The following LAPTM5 variants were observed in gnomAD, a reference collection of about 807,000 sequenced individuals.
LAPTM5 encodes the protein lysosomal protein transmembrane 5, also known as lysosomal-associated transmembrane protein 5.
In LAPTM5, 11 loss-of-function variants were observed where a neutral mutation model predicts 30.1. That is an observed-to-expected ratio of 0.37 (90% CI 0.23 to 0.60). The LOEUF (loss-of-function observed/expected upper bound fraction) is 0.60, where lower values mean the gene tolerates loss of function less well. LAPTM5 is among the 20% of genes least tolerant of loss of function. The pLI, the probability that LAPTM5 is intolerant of heterozygous loss-of-function variation, is 0.71. For missense variants in LAPTM5, 324 were observed against 332.5 expected (o/e 0.97, Z 0.20); for synonymous variants, 151 against 137.9 (o/e 1.10, Z -0.67).
At chr1:30,748,149 T>C (rs1274437641) in intron 1 of LAPTM5, among the ~76,000 whole-genome samples, 1 of 151,808 alleles carries the variant, frequency 6.6e-6, no homozygotes, top group Non-Finnish European at 1.5e-5. Context: ...GAGGTAAAGG[T>C]TATAGAGAAA....
chr1:30,748,666 G>C (rs1435763290), intron 1 of LAPTM5, among the ~76,000 whole-genome samples: 10 of 152,182 alleles, frequency 6.6e-5, no homozygotes, highest in Admixed American at 6.5e-4. Context: ...GATACCACCA[G>C]ACGCCCCCAT....
Position 30,742,440 on chromosome 1 carries a change from C to T in LAPTM5, c.181+16G>A, listed in dbSNP as rs141331793. 256 of 1,598,194 alleles carry T rather than the reference C, an allele frequency of 1.6e-4. 1 individual carries two copies. The African/African-American group carries it at 2.8e-3, about 18-fold the overall frequency. ...CCTCCTCCCCCCGCCACTCCACCGG[C>T]GTCCCCTGGACCTACCGATCCTGAG... On this transcript the variant is annotated intron_variant, in intron 2 of 7. Coordinates refer to ENST00000294507, the MANE Select transcript of LAPTM5 (RefSeq NM_006762.3).
chr1:30,735,088 C>G, intron 7 of LAPTM5, 85 bp downstream of exon 7: 2 of 892,060 alleles, frequency 2.2e-6, no homozygotes, highest in Non-Finnish European at 3.7e-6. Context: ...ATAGAGAAAC[C>G]AAGGTCCAGA....
chr1:30,753,976 T>C (rs1409068524), intron 1 of LAPTM5, among the ~76,000 whole-genome samples: 1 of 152,214 alleles, frequency 6.6e-6, no homozygotes, highest in Non-Finnish European at 1.5e-5. Context: ...GAGCTTTCAC[T>C]ATCCTAGAAC....
intron 1 of LAPTM5, among the ~76,000 whole-genome samples, chr1:30,745,634 C>G (rs1419464175): frequency 6.6e-6 from 1 of 152,240 alleles, no homozygotes; most frequent in African/African-American, 2.4e-5. Context: ...AGCCCACAGT[C>G]ACAGAGCGAG....
chr1:30,746,962 C>G lies in LAPTM5; in HGVS notation c.88-4413G>C, dbSNP rs1259365878. On this transcript the variant is annotated intron_variant, in intron 1 of 7. Coordinates refer to ENST00000294507, the MANE Select transcript of LAPTM5 (RefSeq NM_006762.3). The surrounding 1 kb of genome is among the most constrained non-coding windows in gnomAD (Gnocchi z 4.0). ...ACTCTCAGTAAACACTCTCTGAGCACCTACCGCCTCCAAACTCTGTCTAGA... is the reference window on the plus strand; with the variant it reads ...ACTCTCAGTAAACACTCTCTGAGCAGCTACCGCCTCCAAACTCTGTCTAGA... Among the ~76,000 whole-genome samples the G allele has an allele frequency of 5.3e-5, 8 of 152,174 alleles. No individual in the cohort carries two copies.
At chr1:30,745,210 T>C (rs1276523224) in intron 1 of LAPTM5, among the ~76,000 whole-genome samples, 2 of 152,172 alleles carry the variant, frequency 1.3e-5, no homozygotes, top group Admixed American at 6.5e-5. Flanking sequence ...CTTAATACTT[T>C]CCTTCCCATT....
intron 1 of LAPTM5, among the ~76,000 whole-genome samples, chr1:30,744,115 A>C (rs1390179574): frequency 6.6e-6 from 1 of 152,158 alleles, no homozygotes. Context: ...GGCTGGGGCA[A>C]GCTTACGTGG....
Position 30,739,096 on chromosome 1 carries a change from G to A in LAPTM5, c.388-34C>T. ...GACAAATACAAGGAGGAGGAATGAG[G>A]AGCAGCAATTAAAGTCCCAGTTACT... On this transcript the variant is annotated intron_variant, in intron 4 of 7. Transcript: ENST00000294507. The surrounding 1 kb of genome is among the most constrained non-coding windows in gnomAD (Gnocchi z 4.2). 1 of 1,560,994 alleles carries A rather than the reference G, an allele frequency of 6.4e-7. No homozygotes were observed. Among genetic ancestry groups the A allele is most frequent in the Non-Finnish European group, 8.7e-7 (1 of 1,151,466 alleles).
intron 1 of LAPTM5, among the ~76,000 whole-genome samples, chr1:30,750,504 A>T (rs3828053): frequency 0.17 from 25,578 of 152,070 alleles, 5,509 homozygotes; most frequent in African/African-American, 0.5. Context: ...TCTCGTGTCA[A>T]CCTCGCGCCA....
At chr1:30,742,143 T>A (rs1364780447) in intron 2 of LAPTM5, 7 of 429,910 alleles carry the variant, frequency 1.6e-5, no homozygotes, top group Non-Finnish European at 3.0e-5. Context: ...GAGTTTCCAT[T>A]TTATTCTAGT....
At chr1:30,740,780 G>A (rs1190879152) in intron 3 of LAPTM5, among the ~76,000 whole-genome samples, 1 of 152,200 alleles carries the variant, frequency 6.6e-6, no homozygotes, top group Non-Finnish European at 1.5e-5. Flanking sequence ...GGCCTCCCCA[G>A]GCAGCATGGG....
chr1:30,738,857 A>G, intron 5 of LAPTM5, 83 bp downstream of exon 5: 1 of 1,458,958 alleles, frequency 6.9e-7, no homozygotes, highest in South Asian at 1.3e-5. Context: ...CCTGGCCTAA[A>G]CCACAGACAC....
rs1640043399 is a variant in LAPTM5, at chr1:30,746,258, G to C, written c.88-3709C>G. 1 of 152,160 alleles carries C rather than the reference G, an allele frequency of 6.6e-6. No homozygotes were observed. The highest frequency in any genetic ancestry group is 2.1e-4 in the South Asian group (1 of 4,824). 9.4% of individuals were successfully genotyped at this position (152,160 alleles called of 1,614,324 possible). Reference sequence around the variant, plus strand: ...AGAACGCAGGAGGGTCAGTGGGGTGGAGCTCCTACACACTGTAGGACATCT... The same window carrying C: ...AGAACGCAGGAGGGTCAGTGGGGTGCAGCTCCTACACACTGTAGGACATCT... On this transcript the variant is annotated intron_variant, in intron 1 of 7. Coordinates refer to ENST00000294507, the MANE Select transcript of LAPTM5 (RefSeq NM_006762.3). This position sits in a 1 kb window ranked among gnomAD's most constrained non-coding sequence, Gnocchi z 4.0.
chr1:30,750,883 C>T (rs947899615), intron 1 of LAPTM5, among the ~76,000 whole-genome samples: 1 of 152,222 alleles, frequency 6.6e-6, no homozygotes, highest in Non-Finnish European at 1.5e-5. Flanking sequence ...GGTGCCTTGT[C>T]CCAAGCAGCC....
chr1:30,744,464 A>C (rs1291887488), intron 1 of LAPTM5, among the ~76,000 whole-genome samples: 1 of 152,196 alleles, frequency 6.6e-6, no homozygotes, highest in Non-Finnish European at 1.5e-5. Context: ...AGCAGATCAC[A>C]GATGAGTCAC....
intron 1 of LAPTM5, among the ~76,000 whole-genome samples, chr1:30,751,304 G>A (rs1286376678): frequency 6.6e-6 from 1 of 152,266 alleles, no homozygotes; most frequent in Non-Finnish European, 1.5e-5. Context: ...GCACAGAGCT[G>A]CAGTGGCAGA....
At chr1:30,742,951 G>T (rs1179439125) in intron 1 of LAPTM5, among the ~76,000 whole-genome samples, 1 of 152,178 alleles carries the variant, frequency 6.6e-6, no homozygotes, top group African/African-American at 2.4e-5. Context: ...AAGAGGTGGG[G>T]TGGGGGGTAG....
At chr1:30,750,922 A>G (rs1419516330) in intron 1 of LAPTM5, among the ~76,000 whole-genome samples, 2 of 152,224 alleles carry the variant, frequency 1.3e-5, no homozygotes, top group African/African-American at 4.8e-5. Flanking sequence ...AGTGCAGCTC[A>G]TGGCTTTGCT....
Sources: gnomAD v4.1 joint callset for allele counts (sites outside exome capture counted in the v4.1 genomes callset) on GRCh38, gnomAD v4.1.1 for gene constraint, Gnocchi (gnomAD v3.1) non-coding constraint, MANE v1.5 for transcripts, NCBI Gene and HGNC (gene_info 2026-07-23, HGNC 2026-07-21) for gene names.